Variants in LRMDA observed in about 807,000 individuals in gnomAD.
The protein encoded by LRMDA is leucine rich melanocyte differentiation associated.
LRMDA carries 18 observed loss-of-function variants against 29.8 expected under a neutral mutation model. That is an observed-to-expected ratio of 0.60 (90% CI 0.42 to 0.90). The LOEUF is 0.90. Ranked by LOEUF, LRMDA falls within the 40% of genes least tolerant of loss-of-function variation. The probability of loss-of-function intolerance (pLI) is 0.00; values close to 1 mark genes in which losing one functional copy is unlikely to be tolerated. For missense variants in LRMDA, 273 were observed against 273.9 expected (o/e 1.00, Z 0.02); for synonymous variants, 125 against 109.4 (o/e 1.14, Z -0.89).
chr10:75,929,884 A>G (rs1846180344), intron 2 of LRMDA, among the ~76,000 whole-genome samples: 1 of 152,304 alleles, frequency 6.6e-6, no homozygotes, highest in East Asian at 1.9e-4. Context: ...TTTGTGACAG[A>G]GTTGGGAGCC....
chr10:75,968,376 A>T (rs367849832), intron 2 of LRMDA, among the ~76,000 whole-genome samples: 1 of 152,178 alleles, frequency 6.6e-6, no homozygotes. Flanking sequence ...AGACCAGCCC[A>T]TCTTTCACCA....
At chr10:76,535,835 T>A (rs2132378496) in intron 6 of LRMDA, 1 of 152,334 alleles carries the variant, frequency 6.6e-6, no homozygotes, top group African/African-American at 2.4e-5. Flanking sequence ...TGGAGTGCAG[T>A]GGTGCGTTCT....
At chr10:76,430,884 T>G (rs1411010407) in intron 6 of LRMDA, among the ~76,000 whole-genome samples, 1 of 152,196 alleles carries the variant, frequency 6.6e-6, no homozygotes, top group Non-Finnish European at 1.5e-5. Context: ...TTTCTGAGTA[T>G]TTTTTCCATT....
intron 6 of LRMDA, among the ~76,000 whole-genome samples, chr10:76,448,337 A>G (rs1290645618): frequency 6.6e-6 from 1 of 152,202 alleles, no homozygotes; most frequent in African/African-American, 2.4e-5. Flanking sequence ...TGGAGGTACT[A>G]TAAAAACATA....
intron 2 of LRMDA, among the ~76,000 whole-genome samples, chr10:75,893,946 CA>C (rs1359828670): frequency 1.6e-4 from 21 of 133,662 alleles, no homozygotes; most frequent in South Asian, 2.4e-4. Flanking sequence ...AAAAAAAAAA[CA>C]AAAAAAAAAG....
chr10:76,192,156 G>T (rs79188876), intron 5 of LRMDA, among the ~76,000 whole-genome samples: 427 of 152,274 alleles, frequency 2.8e-3, no homozygotes, highest in African/African-American at 9.7e-3. Context: ...GCAGTCACTT[G>T]CTTCCTTGGT....
intron 2 of LRMDA, among the ~76,000 whole-genome samples, chr10:75,587,373 C>G (rs1366006028): frequency 6.6e-6 from 1 of 151,746 alleles, no homozygotes; most frequent in Non-Finnish European, 1.5e-5. Flanking sequence ...TTTCAGGGAA[C>G]CTATTGAGTA....
chr10:75,440,755 G>A (rs1267029551), intron 2 of LRMDA, among the ~76,000 whole-genome samples: 2 of 152,286 alleles, frequency 1.3e-5, no homozygotes, highest in Non-Finnish European at 1.5e-5. Flanking sequence ...ATAAGCAGAG[G>A]CCGGACGTGG....
intron 2 of LRMDA, among the ~76,000 whole-genome samples, chr10:75,705,128 C>G (rs147344300): frequency 6.6e-6 from 1 of 152,152 alleles, no homozygotes; most frequent in Middle Eastern, 3.2e-3. Context: ...TAGCGTGGAA[C>G]GAGACACAGT....
At chr10:76,393,488 C>G (rs1841747432) in intron 6 of LRMDA, among the ~76,000 whole-genome samples, 1 of 151,994 alleles carries the variant, frequency 6.6e-6, no homozygotes, top group Non-Finnish European at 1.5e-5. Context: ...TGTTCAGGTC[C>G]TTTGCCCATA....
chr10:76,301,933 A>G (rs1840485832), intron 5 of LRMDA, among the ~76,000 whole-genome samples: 1 of 152,284 alleles, frequency 6.6e-6, no homozygotes, highest in Admixed American at 6.5e-5. Flanking sequence ...TAGTTTTAGA[A>G]TTTGTTTCCT....
intron 5 of LRMDA, among the ~76,000 whole-genome samples, chr10:76,159,847 A>G (rs1305815440): frequency 6.6e-6 from 1 of 152,196 alleles, no homozygotes; most frequent in Non-Finnish European, 1.5e-5. Flanking sequence ...GAGAGAGCAC[A>G]AAGAGCAGTG....
At chr10:75,594,702 A>G (rs1046739967) in intron 2 of LRMDA, among the ~76,000 whole-genome samples, 2 of 152,218 alleles carry the variant, frequency 1.3e-5, no homozygotes, top group African/African-American at 4.8e-5. Context: ...GGATCCTAGC[A>G]TATGCGAGAC....
chr10:75,499,223 T>C (rs1278964777), intron 2 of LRMDA, among the ~76,000 whole-genome samples: 1 of 152,194 alleles, frequency 6.6e-6, no homozygotes, highest in Non-Finnish European at 1.5e-5. Flanking sequence ...AACTCAAAAG[T>C]CTTCTAGCTT....
intron 2 of LRMDA, among the ~76,000 whole-genome samples, chr10:75,884,541 A>T (rs977546158): frequency 5.3e-5 from 8 of 152,162 alleles, no homozygotes; most frequent in Admixed American, 5.2e-4. Flanking sequence ...AGAAACTAAG[A>T]TGACTTGGAG....
rs374048040 is a variant in LRMDA at position 76,293,665 on chromosome 10, A to G, written c.517-30736A>G. ...AGTTAGGGGTCTTTGTAATTAGTCA[A>G]ATTAATGAGCCAAAGGCCACATGTG... On this transcript the variant is annotated intron_variant, in intron 5 of 6. Transcript: ENST00000611255. Among the ~76,000 whole-genome samples, 338 of 152,316 alleles carry G rather than the reference A, an allele frequency of 2.2e-3. 3 individuals are homozygous for G. Among genetic ancestry groups the G allele is most frequent in the Non-Finnish European group, 2.4e-3 (165 of 68,022 alleles).
intron 6 of LRMDA, among the ~76,000 whole-genome samples, chr10:76,353,763 G>A (rs1421149461): frequency 6.6e-6 from 1 of 152,102 alleles, no homozygotes. Flanking sequence ...CTGGCCATTT[G>A]TGTTTTCCTC....
intron 2 of LRMDA, among the ~76,000 whole-genome samples, chr10:75,589,633 A>G (rs946650864): frequency 3.9e-5 from 6 of 152,122 alleles, no homozygotes; most frequent in Non-Finnish European, 7.4e-5. Flanking sequence ...GAGTGTTAGT[A>G]TGAGCCTATA....
intron 6 of LRMDA, among the ~76,000 whole-genome samples, chr10:76,487,952 TG>T (rs1842798634): frequency 6.6e-6 from 1 of 151,904 alleles, no homozygotes; most frequent in Non-Finnish European, 1.5e-5. Flanking sequence ...TGGTAGAATG[TG>T]TGTGATAACA....
Sources: gnomAD v4.1 joint callset for allele counts (sites outside exome capture counted in the v4.1 genomes callset) on GRCh38, gnomAD v4.1.1 for gene constraint, MANE v1.5 for transcripts, NCBI Gene and HGNC (gene_info 2026-07-23, HGNC 2026-07-21) for gene names.